Variants in ERCC4 observed in about 807,000 individuals in gnomAD.
ERCC4 encodes the protein ERCC excision repair 4, endonuclease catalytic subunit, also known as DNA repair endonuclease XPF.
In ERCC4, 65 loss-of-function variants were observed where a neutral mutation model predicts 76.9. That is an observed-to-expected ratio of 0.84 (90% CI 0.69 to 1.04). The LOEUF (loss-of-function observed/expected upper bound fraction) is 1.04. ERCC4 is among the 50% of genes least tolerant of loss of function. ERCC4 has a pLI of 0.00. For missense variants in ERCC4, 1,214 were observed against 1,128.2 expected, an observed-to-expected ratio of 1.08 and a Z score of -1.09; for synonymous variants, 463 against 410.1, an observed-to-expected ratio of 1.13 and a Z score of -1.56.
rs142585504 is a variant in ERCC4, at chr16:13,920,820, CTG to C, written c.207+451_207+452del. On this transcript the variant is annotated intron_variant, in intron 1 of 10. Transcript: ENST00000311895. The stretch of plus-strand genomic sequence containing the variant: ...CCCCAGGGGATGCGGGTCCCTGACA[CTG>C]TGCAGGCACAGTGAGAATGATGGAA... Among the ~76,000 whole-genome samples the C allele has an allele frequency of 3.9e-3, 599 of 151,928 alleles. 2 individuals carry two copies. Among genetic ancestry groups the C allele is most frequent in the African/African-American group, 0.014 (565 of 41,438 alleles).
At chr16:13,944,676 A>C (rs755801511) in intron 9 of ERCC4, 47 bp from the exon 10 acceptor site, 4 of 1,255,032 alleles carry the variant, frequency 3.2e-6, no homozygotes, top group Non-Finnish European at 4.7e-6. Flanking sequence ...TAAAATCTAG[A>C]ATTTTGAAAT....
At chr16:13,942,730 A>C (rs972596388) in intron 9 of ERCC4, among the ~76,000 whole-genome samples, 1 of 152,350 alleles carries the variant, frequency 6.6e-6, no homozygotes, top group South Asian at 2.1e-4. Flanking sequence ...TCTGTACTCT[A>C]ACCCCCTAAG....
At chr16:13,932,688 G>A in intron 6 of ERCC4, 1 of 236,412 alleles carries the variant, frequency 4.2e-6, no homozygotes, top group Non-Finnish European at 8.2e-6. Context: ...GAGGCAGGAG[G>A]ATTGCTTGAG....
Position 13,951,488 on chromosome 16 carries a change from G to T in ERCC4, c.*3141G>T. 1 of 210,060 alleles carries T rather than the reference G, an allele frequency of 4.8e-6. No individual in the cohort carries two copies. Among genetic ancestry groups the T allele is most frequent in the Non-Finnish European group, 9.7e-6 (1 of 103,406 alleles). The allele number at this position is 210,060 out of a possible 1,614,324, so 13.0% of individuals were successfully genotyped here. On this transcript the variant is annotated 3_prime_UTR_variant, in exon 11 of 11. Transcript: ENST00000311895. Reference sequence around the variant, plus strand: ...CAAGAAGAAATCATTTTTAGTAGTGGTCATAAATATTATCCTTTTGGCAGT... The same window carrying T: ...CAAGAAGAAATCATTTTTAGTAGTGTTCATAAATATTATCCTTTTGGCAGT...
chr16:13,922,518 AG>A, intron 2 of ERCC4: 3 of 740,366 alleles, frequency 4.1e-6, no homozygotes, highest in Non-Finnish European at 5.0e-6. Context: ...TGCTCGCTTC[AG>A]AAATGTCCCT....
chr16:13,930,691 A>C lies in ERCC4; in HGVS notation c.793-19A>C. 1 of 1,602,532 alleles carries C rather than the reference A, an allele frequency of 6.2e-7. No individual in the cohort carries two copies. Among genetic ancestry groups the C allele is most frequent in the Non-Finnish European group, 8.5e-7 (1 of 1,169,718 alleles). ...TACTTAACATATTTTAGCAATACCA[A>C]ATTTTATTCTTGTTTTAGACAATCC... On this transcript the variant is annotated intron_variant, in intron 4 of 10. Transcript: ENST00000311895.
rs1220753447 is a variant in ERCC4, at chr16:13,926,570, T to C, written c.398T>C (p.Val133Ala). ...TGTTTCTCCCCCTCAGGCATCTTGG[T>C]GTATAGAGCCCACAGAATAATCGAG... ...IPSDLITGIL[V>A]YRAHRIIESC... The change falls in exon 3 of 11, where the codon GTG (valine) becomes GCG (alanine). Residue 133 changes from valine to alanine, a missense_variant. Val to Ala is a moderately conservative substitution (Grantham distance 64, BLOSUM62 0). Transcript: ENST00000311895. 6.2e-6 allele frequency: 10 copies of C among 1,613,818 alleles called. No homozygotes were observed. The South Asian group carries it at 1.1e-4, about 18-fold the overall frequency.
chr16:13,947,062 C>T (rs1019284210), intron 10 of ERCC4, among the ~76,000 whole-genome samples: 9 of 152,230 alleles, frequency 5.9e-5, no homozygotes, highest in Middle Eastern at 3.4e-3. Flanking sequence ...GCGCCCGGCC[C>T]GAATCTGCTT....
rs957009045 is a variant in ERCC4 at position 13,926,706 on chromosome 16, G to A, written c.534G>A (p.Val178=). 1.2e-6 allele frequency: 2 copies of A among 1,614,074 alleles called. No homozygotes were observed. The highest frequency in any genetic ancestry group is 1.7e-5 in the Admixed American group (1 of 60,014). ...CCTTTGATACTGGTTTTTGTCATGT[G>A]GAAAGAGTGATGAGAAATCTTTTTG... ...AVAFDTGFCH[V]ERVMRNLFVR... The change falls in exon 3 of 11, where the codon GTG becomes GTA. Residue 178 remains valine, a synonymous_variant. Coordinates refer to ENST00000311895, the MANE Select transcript of ERCC4 (RefSeq NM_005236.3).
intron 9 of ERCC4, among the ~76,000 whole-genome samples, chr16:13,941,536 G>A (rs1426420587): frequency 6.6e-6 from 1 of 152,196 alleles, no homozygotes; most frequent in Admixed American, 6.5e-5. Context: ...AAGAACAAAA[G>A]CAGTTGTGGC....
chr16:13,930,750 G>C lies in ERCC4; in HGVS notation c.833G>C (p.Gly278Ala). 1 of 1,613,900 alleles carries C rather than the reference G, an allele frequency of 6.2e-7. No individual in the cohort carries two copies. The highest frequency in any genetic ancestry group is 8.5e-7 in the Non-Finnish European group (1 of 1,179,836). The change falls in exon 5 of 11, where the codon GGA becomes GCA. Residue 278 changes from glycine (G) to alanine (A), a missense_variant. Transcript: ENST00000311895. ...CTGGATCCTTTGTGGCACCAGCTTGGAGCCAAGACTAAATCCTTAGTTCAG... is the reference window on the plus strand; with the variant it reads ...CTGGATCCTTTGTGGCACCAGCTTGCAGCCAAGACTAAATCCTTAGTTCAG... ...HYLDPLWHQL[G>A]AKTKSLVQDL...
At position 13,947,353 on chromosome 16, in the gene ERCC4, G is replaced by A. The variant is rs3136223; in HGVS notation, c.2018-261G>A. 3.5e-3 allele frequency among the ~76,000 whole-genome samples: 540 copies of A among 152,322 alleles called. 2 individuals carry two copies. Among genetic ancestry groups the A allele is most frequent in the African/African-American group, 0.012 (506 of 41,550 alleles). On this transcript the variant is annotated intron_variant, in intron 10 of 10. Transcript: ENST00000311895. ...AACTACAGAGGGGAGACCTTAGCAG[G>A]TATGTGTGGATTTATGAATCATCGC... is the stretch of plus-strand genomic sequence containing the variant.
At chr16:13,938,582 A>T (rs1343591393) in intron 9 of ERCC4, among the ~76,000 whole-genome samples, 1 of 152,252 alleles carries the variant, frequency 6.6e-6, no homozygotes, top group East Asian at 1.9e-4. Flanking sequence ...TAAGGGCCTC[A>T]GAAGCCAGGG....
rs192910261 is a variant in ERCC4 at position 13,950,241 on chromosome 16, G to A, written c.*1894G>A. ...CTCCCAAAGTGCTGAGATAACAGGC[G>A]TGAGCCACCGCACCCACCCAACAAA... On this transcript the variant is annotated 3_prime_UTR_variant, in exon 11 of 11. Transcript: ENST00000311895. The A allele has an allele frequency of 1.3e-4, 24 of 189,708 alleles. No homozygotes were observed. The East Asian group carries it at 1.8e-3, about 14-fold the overall frequency. The allele number at this position is 189,708 out of a possible 1,614,324, so 11.8% of individuals were successfully genotyped here.
At chr16:13,924,766 C>T (rs1362242067) in intron 2 of ERCC4, among the ~76,000 whole-genome samples, 1 of 152,186 alleles carries the variant, frequency 6.6e-6, no homozygotes, top group East Asian at 1.9e-4. Flanking sequence ...TAGCATGGCA[C>T]ATAGTCAGCA....
At chr16:13,921,105 T>C (rs1409894222) in intron 1 of ERCC4, among the ~76,000 whole-genome samples, 1 of 151,610 alleles carries the variant, frequency 6.6e-6, no homozygotes, top group Non-Finnish European at 1.5e-5. Flanking sequence ...AAGGGAACAG[T>C]GATGAGGATG....
intron 8 of ERCC4, among the ~76,000 whole-genome samples, chr16:13,936,641 G>A (rs1277473129): frequency 6.6e-6 from 1 of 152,178 alleles, no homozygotes; most frequent in Non-Finnish European, 1.5e-5. Context: ...TCTATCAACG[G>A]GAAACTGAGG....
chr16:13,929,408 G>C (rs370827620), intron 4 of ERCC4, among the ~76,000 whole-genome samples: 1 of 152,150 alleles, frequency 6.6e-6, no homozygotes, highest in South Asian at 2.1e-4. Context: ...TTTTCCACAA[G>C]TGTTCTGGTT....
intron 9 of ERCC4, among the ~76,000 whole-genome samples, chr16:13,942,035 A>G (rs906201588): frequency 5.3e-5 from 8 of 152,242 alleles, no homozygotes; most frequent in Non-Finnish European, 1.0e-4. Context: ...CATGGGCAAC[A>G]TGTGAGAATC....
Sources: allele counts gnomAD v4.1 joint callset (sites outside exome capture counted in the v4.1 genomes callset), GRCh38; gene constraint gnomAD v4.1.1; transcripts MANE v1.5; gene names NCBI Gene and HGNC (gene_info 2026-07-23, HGNC 2026-07-21).